ADGRV1: variants seen among roughly 807,000 people sequenced by gnomAD.
The protein encoded by ADGRV1 is adhesion G protein-coupled receptor V1.
A neutral mutation model predicts 596.2 loss-of-function variants in ADGRV1; 359 were observed. That is an observed-to-expected ratio of 0.60 (90% confidence interval 0.55 to 0.66). The LOEUF (loss-of-function observed/expected upper bound fraction) is 0.66, where lower values mean the gene tolerates loss of function less well. Ranked by LOEUF, ADGRV1 falls within the 30% of genes least tolerant of loss-of-function variation. The probability of loss-of-function intolerance (pLI) is 0.00; values close to 1 mark genes in which losing one functional copy is unlikely to be tolerated. For synonymous variants in ADGRV1, 2,681 were observed against 2,679.2 expected (o/e 1.00, Z -0.02); for missense variants, 7,274 against 7,575.6 (o/e 0.96, Z 1.48).
At chr5:90,712,545 G>C in intron 42 of ADGRV1, 117 bp downstream of exon 42, 1 of 772,966 alleles carries the variant, frequency 1.3e-6, no homozygotes, top group Non-Finnish European at 2.0e-6. Flanking sequence ...AAATGAGAAT[G>C]ATTTTAAGTT....
At chr5:90,731,061 A>G (rs1752481172) in intron 50 of ADGRV1, among the ~76,000 whole-genome samples, 2 of 152,178 alleles carry the variant, frequency 1.3e-5, no homozygotes, top group South Asian at 4.1e-4. Context: ...AAGGTACAGG[A>G]CTATATTAGT....
intron 1 of ADGRV1, among the ~76,000 whole-genome samples, chr5:90,607,989 T>C (rs533092952): frequency 1.3e-5 from 2 of 152,140 alleles, no homozygotes; most frequent in Non-Finnish European, 2.9e-5. Context: ...TAAGATACTT[T>C]ACAAAATCAT....
intron 64 of ADGRV1, chr5:90,781,221 C>T: frequency 1.7e-6 from 1 of 574,384 alleles, no homozygotes; most frequent in Non-Finnish European, 3.1e-6. Flanking sequence ...GTACAGGCAC[C>T]ACTCATTGGG....
intron 87 of ADGRV1, among the ~76,000 whole-genome samples, chr5:91,139,524 AT>A (rs1794925723): frequency 6.6e-6 from 1 of 152,190 alleles, no homozygotes; most frequent in Admixed American, 6.5e-5. Context: ...TGCATTCAGT[AT>A]TTCTCTTCAA....
chr5:90,863,072 T>TG (rs1465892255), intron 82 of ADGRV1, among the ~76,000 whole-genome samples: 38 of 152,126 alleles, frequency 2.5e-4, no homozygotes, highest in Non-Finnish European at 4.6e-4. Flanking sequence ...AGAATAAGAG[T>TG]GGGGTAAAAG....
At chr5:91,152,050 C>T (rs866182625) in intron 88 of ADGRV1, among the ~76,000 whole-genome samples, 4 of 152,212 alleles carry the variant, frequency 2.6e-5, no homozygotes, top group African/African-American at 9.6e-5. Flanking sequence ...CTGTAACAGT[C>T]CAATTCTTGG....
Position 90,805,388 on chromosome 5 carries a change from GA to G in ADGRV1, c.14767del (p.Thr4923ProfsTer8), listed in dbSNP as rs747459491. The G allele has an allele frequency of 6.2e-7, 1 of 1,610,676 alleles. No homozygotes were observed. The highest frequency in any genetic ancestry group is 8.5e-7 in the Non-Finnish European group (1 of 1,177,290). ...CATATGGAGCTCTCTCGGTTGCCTG[GA>G]CCACTGGATATGCTCCTGGGTTAGA... ...GTYGALSVAW[T>X]TGYAPGLEIP... On this transcript the variant is annotated frameshift_variant, in exon 72 of 90. Transcript: ENST00000405460. LOFTEE classifies it high-confidence loss of function.
intron 75 of ADGRV1, among the ~76,000 whole-genome samples, chr5:90,819,626 C>T (rs879656379): frequency 1.2e-4 from 18 of 151,128 alleles, no homozygotes; most frequent in South Asian, 4.3e-4. Flanking sequence ...TCTTTGTTCT[C>T]GTTGGTTTCA....
At chr5:90,955,482 G>A (rs541380928) in intron 83 of ADGRV1, among the ~76,000 whole-genome samples, 4 of 152,192 alleles carry the variant, frequency 2.6e-5, no homozygotes, top group African/African-American at 9.6e-5. Flanking sequence ...AATAGAATGT[G>A]ATTTAAAATA....
Position 90,763,286 on chromosome 5 carries a change from C to G in ADGRV1, c.12121-19C>G, listed in dbSNP as rs767584003. 1 of 1,459,130 alleles carries G rather than the reference C, an allele frequency of 6.9e-7. No individual in the cohort carries two copies. Among genetic ancestry groups the G allele is most frequent in the Non-Finnish European group, 9.2e-7 (1 of 1,090,390 alleles). 90.4% of individuals were successfully genotyped at this position (1,459,130 alleles called of 1,614,324 possible). ...TTGTTTTTTTTTTTGTTTGGCCTTA[C>G]TGAATTTTCTTCTTTCAGGTAATGA... On this transcript the variant is annotated intron_variant, in intron 58 of 89. Transcript: ENST00000405460.
chr5:91,025,827 A>G (rs117913788), intron 85 of ADGRV1, among the ~76,000 whole-genome samples: 1,775 of 152,306 alleles, frequency 0.012, 27 homozygotes, highest in East Asian at 0.086. Context: ...CAATCCAGAA[A>G]CTATGAATAT....
At chr5:90,810,075 A>G (rs1762294366) in intron 73 of ADGRV1, among the ~76,000 whole-genome samples, 158 bp from the exon 74 acceptor site, 1 of 152,320 alleles carries the variant, frequency 6.6e-6, no homozygotes, top group East Asian at 1.9e-4. Context: ...TTGCCCTTAC[A>G]TATCAATAAA....
intron 84 of ADGRV1, among the ~76,000 whole-genome samples, 165 bp downstream of exon 84, chr5:90,965,696 A>G (rs1225191353): frequency 6.6e-6 from 1 of 152,232 alleles, no homozygotes; most frequent in East Asian, 1.9e-4. Flanking sequence ...AAGCTGTACA[A>G]CAGTAGAGAG....
chr5:91,079,401 G>T (rs1451496244), intron 86 of ADGRV1, among the ~76,000 whole-genome samples: 3 of 152,116 alleles, frequency 2.0e-5, no homozygotes, highest in Admixed American at 6.6e-5. Context: ...TTAGGTTTTT[G>T]ATCTCAATCC....
intron 83 of ADGRV1, among the ~76,000 whole-genome samples, chr5:90,942,516 A>G (rs542327878): frequency 1.3e-5 from 2 of 152,278 alleles, no homozygotes; most frequent in East Asian, 1.9e-4. Flanking sequence ...TTACAGATAC[A>G]GTGGGGTCAG....
At chr5:90,816,379 A>G (rs1762892996) in intron 75 of ADGRV1, among the ~76,000 whole-genome samples, 1 of 149,330 alleles carries the variant, frequency 6.7e-6, no homozygotes, top group Non-Finnish European at 1.5e-5. Flanking sequence ...TTTTTTTTTA[A>G]ATTTTATTAT....
intron 1 of ADGRV1, among the ~76,000 whole-genome samples, chr5:90,593,724 G>A (rs1457231973): frequency 3.3e-5 from 5 of 151,166 alleles, no homozygotes; most frequent in South Asian, 4.2e-4. Context: ...CTGTTCTCCC[G>A]AAACCCATTG....
chr5:91,123,980 C>T (rs745870389), intron 87 of ADGRV1, among the ~76,000 whole-genome samples: 17 of 152,004 alleles, frequency 1.1e-4, no homozygotes, highest in African/African-American at 4.8e-5. Context: ...TCCAGGAGAG[C>T]GAAGGGCAGG....
At position 90,696,997 on chromosome 5, in the gene ADGRV1, A is replaced by C. The variant is rs771541670; in HGVS notation, c.8006A>C (p.Glu2669Ala). 1 of 1,613,252 alleles carries C rather than the reference A, an allele frequency of 6.2e-7. No homozygotes were observed. The highest frequency in any genetic ancestry group is 8.5e-7 in the Non-Finnish European group (1 of 1,179,362). The change falls in exon 34 of 90, where the codon GAA becomes GCA. Residue 2669 changes from glutamate (E) to alanine (A), a missense_variant. Physicochemically the swap from Glu to Ala is moderately radical, Grantham distance 107. Coordinates refer to ENST00000405460, the MANE Select transcript of ADGRV1 (RefSeq NM_032119.4). ...GATGACTCTGAACCAGAGGATGACG[A>C]AAGTATCATAGTTAGTTTGGTGTAC... ...ILDDSEPEDDESIIVSLVYTE... is the reference protein window; with the variant it reads ...ILDDSEPEDDASIIVSLVYTE...
Sources: gnomAD v4.1 joint callset for allele counts (sites outside exome capture counted in the v4.1 genomes callset) on GRCh38, gnomAD v4.1.1 for gene constraint, MANE v1.5 for transcripts, NCBI Gene and HGNC (gene_info 2026-07-23, HGNC 2026-07-21) for gene names.